The following MED16 variants were observed in gnomAD, a reference collection of about 807,000 sequenced individuals.
The protein encoded by MED16 is mediator of RNA polymerase II transcription subunit 16.
Under a neutral mutation model 84.4 loss-of-function variants are expected in MED16, and 81 were observed. That is an observed-to-expected ratio of 0.96 (90% CI 0.80 to 1.15). MED16 has a LOEUF of 1.15. Ranked by LOEUF, MED16 falls within the 50% of genes most tolerant of loss-of-function variation. MED16 has a pLI of 0.00. For missense variants in MED16, 1,585 were observed against 1,245.9 expected, an observed-to-expected ratio of 1.27 and a Z score of -4.10; for synonymous variants, 897 against 552.2, an observed-to-expected ratio of 1.62 and a Z score of -8.76.
At chr19:886,613 G>A (rs902037054) in intron 4 of MED16, among the ~76,000 whole-genome samples, 1 of 152,254 alleles carries the variant, frequency 6.6e-6, no homozygotes, top group African/African-American at 2.4e-5. Context: ...ACCCAGGCGG[G>A]GGCCGTCAGG....
intron 1 of MED16, chr19:892,632 C>G (rs1408276933): frequency 5.9e-5 from 9 of 151,740 alleles, no homozygotes; most frequent in Admixed American, 5.9e-4. Flanking sequence ...AGTCCCCAGT[C>G]TCCACCCTAG....
rs1029273116 is a variant in MED16, at chr19:873,718, G to C, written c.1772-136C>G. On this transcript the variant is annotated intron_variant, in intron 10 of 15. Coordinates refer to ENST00000325464, the MANE Select transcript of MED16 (RefSeq NM_005481.3). ...ACAAGGGGACCCACACCGGGAACGAGAAGGGGGCGATGGCGTTGCCGGACG... is the reference window on the plus strand; with the variant it reads ...ACAAGGGGACCCACACCGGGAACGACAAGGGGGCGATGGCGTTGCCGGACG... The C allele has an allele frequency of 9.5e-6, 10 of 1,047,764 alleles. No homozygotes were observed. The East Asian group carries it at 1.7e-4, about 18-fold the overall frequency. The allele number at this position is 1,047,764 out of a possible 1,614,324, so 64.9% of individuals were successfully genotyped here.
chr19:871,657 T>G (rs747306922), intron 12 of MED16: 1 of 1,583,222 alleles, frequency 6.3e-7, no homozygotes, highest in Admixed American at 1.7e-5. Flanking sequence ...GGACCTGTGC[T>G]AGGAACTGGG....
At chr19:879,624 A>G (rs1486034671) in intron 8 of MED16, among the ~76,000 whole-genome samples, 15 of 104,372 alleles carry the variant, frequency 1.4e-4, no homozygotes, top group Admixed American at 2.3e-4. Flanking sequence ...CCCCAAGCCC[A>G]GCCCCACGTG....
chr19:888,861 G>A (rs1380552421), intron 4 of MED16, among the ~76,000 whole-genome samples: 2 of 152,188 alleles, frequency 1.3e-5, no homozygotes, highest in African/African-American at 4.8e-5. Context: ...CTCCAGGAAG[G>A]CCTCCTAGTT....
chr19:889,265 C>T lies in MED16; in HGVS notation c.447+373G>A, dbSNP rs140480631. 7.9e-4 allele frequency among the ~76,000 whole-genome samples: 120 copies of T among 152,252 alleles called. No individual in the cohort carries two copies. The East Asian group carries it at 0.021, about 26-fold the overall frequency. ...CATAGAGAGGGGCTCTGGGATGTTA[C>T]TAAATCAGAGGGTGGGCTGCATTCA... On this transcript the variant is annotated intron_variant, in intron 4 of 15. Transcript: ENST00000325464.
Position 880,034 on chromosome 19 carries a change from A to T in MED16, c.1256T>A (p.Met419Lys). The change falls in exon 8 of 16, where the codon ATG becomes AAG. Residue 419 changes from methionine (M) to lysine (K), a missense_variant. Transcript: ENST00000325464. ...GGGGCCCGCGGTGCGGGGGCGCTTC[A>T]TGGCCGGCTCATCCACAGGCCTCGG... is the stretch of plus-strand genomic sequence containing the variant. Reference protein sequence around the residue: ...AAPRPVDEPAMKRPRTAGPAV... With the variant: ...AAPRPVDEPAKKRPRTAGPAV... 8.7e-6 allele frequency: 14 copies of T among 1,610,928 alleles called. No homozygotes were observed. The highest frequency in any genetic ancestry group is 1.1e-5 in the Non-Finnish European group (13 of 1,179,150).
At chr19:887,214 G>A (rs938834643) in intron 4 of MED16, among the ~76,000 whole-genome samples, 3 of 152,158 alleles carry the variant, frequency 2.0e-5, no homozygotes, top group Non-Finnish European at 4.4e-5. Context: ...ATAGCAAGAA[G>A]CAGGTCCAGA....
rs771663625 is a variant in MED16, at chr19:872,101, C to G, written c.1923G>C (p.Pro641=). ...SLPNQGSLLR[P]GHSFLRDGTS... ...TGCCGTCCCGCAGAAAGCTGTGGCC[C>G]GGCCTCAGCAGGGAACCCTGCCCGA... The change falls in exon 12 of 16, where the codon CCG becomes CCC. Residue 641 remains proline (P), a synonymous_variant. Transcript: ENST00000325464. 1.9e-6 allele frequency: 3 copies of G among 1,605,878 alleles called. No individual in the cohort carries two copies. Among genetic ancestry groups the G allele is most frequent in the Non-Finnish European group, 2.6e-6 (3 of 1,176,144 alleles).
chr19:884,971 A>G lies in MED16; in HGVS notation c.917T>C (p.Val306Ala). The G allele has an allele frequency of 6.2e-7, 1 of 1,608,564 alleles. No homozygotes were observed. The highest frequency in any genetic ancestry group is 8.5e-7 in the Non-Finnish European group (1 of 1,179,112). The change falls in exon 6 of 16, where the codon GTG becomes GCG. Residue 306 changes from valine to alanine, a missense_variant. By Grantham distance (64) the Val-to-Ala change is moderately conservative. Transcript: ENST00000325464. ...LCASSQTSSI[V>A]ECWSLRKEGL... ...CTCCTTGCGCAGGGACCAGCACTCCACGATGCTGCTGGTCTGGCTGGACGC... is the reference window on the plus strand; with the variant it reads ...CTCCTTGCGCAGGGACCAGCACTCCGCGATGCTGCTGGTCTGGCTGGACGC...
rs748002757 is a variant in MED16 at position 890,121 on chromosome 19, G to A, written c.277+16C>T. ...TCCGGGTCGCCACCCCTGGCCACGT[G>A]GGACCAGCGCCTCACCTGACTGGTC... is the stretch of plus-strand genomic sequence containing the variant. On this transcript the variant is annotated intron_variant, in intron 3 of 15. Coordinates refer to ENST00000325464, the MANE Select transcript of MED16 (RefSeq NM_005481.3). The A allele has an allele frequency of 5.2e-6, 8 of 1,536,534 alleles. No homozygotes were observed. The East Asian group carries it at 9.8e-5, about 19-fold the overall frequency.
At chr19:870,611 G>A (rs950502191) in intron 13 of MED16, among the ~76,000 whole-genome samples, 13 of 151,368 alleles carry the variant, frequency 8.6e-5, no homozygotes, top group Non-Finnish European at 1.6e-4. Context: ...AGGGCTGGGT[G>A]CCCGTGTTGG....
Position 891,081 on chromosome 19 carries a change from G to A in MED16, c.51C>T (p.Tyr17=), listed in dbSNP as rs200712141. The part of the protein sequence containing the change: ...PAAGGMMDLA[Y]VCEWEKWSKS... The stretch of plus-strand genomic sequence containing the variant: ...TGGACCATTTCTCCCACTCACAGAC[G>A]TAGGCCAAGTCCATCATCCCACCTG... Residue 17 remains tyrosine (Y), a synonymous_variant, in exon 2 of 16, where the codon TAC becomes TAT. Transcript: ENST00000325464. 1.7e-5 allele frequency: 27 copies of A among 1,613,932 alleles called. No homozygotes were observed. The highest frequency in any genetic ancestry group is 8.9e-5 in the East Asian group (4 of 44,892).
At position 886,088 on chromosome 19, in the gene MED16, C is replaced by G; in HGVS notation, c.561G>C (p.Leu187=). Residue 187 remains leucine, a synonymous_variant, in exon 5 of 16, where the codon CTG becomes CTC. Coordinates refer to ENST00000325464, the MANE Select transcript of MED16 (RefSeq NM_005481.3). Reference sequence around the variant, plus strand: ...TGGGCTTCAGCAGGGACACGGTGACCAGGCCGCTGACCGTCACCGCGATCC... The same window carrying G: ...TGGGCTTCAGCAGGGACACGGTGACGAGGCCGCTGACCGTCACCGCGATCC... ...EGWIAVTVSG[L]VTVSLLKPSG... The G allele has an allele frequency of 6.3e-7, 1 of 1,593,294 alleles. No homozygotes were observed.
At chr19:890,407 G>T (rs75080491) in intron 2 of MED16, 163 bp from the exon 3 acceptor site, 1 of 559,104 alleles carries the variant, frequency 1.8e-6, no homozygotes, top group South Asian at 2.4e-5. Context: ...CTGTCCCCCC[G>T]CAGGAACAGA....
Position 874,272 on chromosome 19 carries a change from C to T in MED16, c.1772-690G>A, listed in dbSNP as rs1023271346. ...GGGACTACAGGCGCCCGCCACCACG[C>T]CCGGCTGATTTTTGTATTTTTAGTA... is the stretch of plus-strand genomic sequence containing the variant. On this transcript the variant is annotated intron_variant, in intron 10 of 15. Coordinates refer to ENST00000325464, the MANE Select transcript of MED16 (RefSeq NM_005481.3). Among the ~76,000 whole-genome samples the T allele has an allele frequency of 2.0e-5, 3 of 152,128 alleles. No homozygotes were observed. In the East Asian group the frequency reaches 5.8e-4, roughly 29 times the overall value.
Position 889,687 on chromosome 19 carries a change from G to A in MED16, c.398C>T (p.Ala133Val), listed in dbSNP as rs1453445436. Residue 133 changes from alanine to valine, a missense_variant, in exon 4 of 16, where the codon GCC (alanine) becomes GTC (valine). Transcript: ENST00000325464. ...GSLVEGDPIV[A>V]LSWLHNGVKL... ...CACACCATTGTGCAGCCAGGACAGG[G>A]CCACAATGGGGTCCCCCTCCACTAG... The A allele has an allele frequency of 6.2e-7, 1 of 1,613,882 alleles. No individual in the cohort carries two copies. Among genetic ancestry groups the A allele is most frequent in the Non-Finnish European group, 8.5e-7 (1 of 1,179,978 alleles).
chr19:877,089 A>C lies in MED16; in HGVS notation c.1445T>G (p.Met482Arg). ...RHLLFLLEYC[M>R]VTGYDWWDIL... is the part of the protein sequence containing the mutation. ...GTCCCACCAGTCGTAGCCGGTCACC[A>C]TGCAGTACTCCAGCAGGAAGAGCAG... is the stretch of plus-strand genomic sequence containing the variant. The change falls in exon 9 of 16, where the codon ATG (methionine) becomes AGG (arginine). Residue 482 changes from methionine (M) to arginine (R), a missense_variant. By Grantham distance (91) the Met-to-Arg change is moderately conservative (BLOSUM62 -1). Transcript: ENST00000325464. The C allele has an allele frequency of 6.2e-7, 1 of 1,612,626 alleles. No individual in the cohort carries two copies. The highest frequency in any genetic ancestry group is 8.5e-7 in the Non-Finnish European group (1 of 1,179,876).
In MED16 at chr19:891,020, CGCAGGCCAGGG is replaced by C; in HGVS notation, c.101_111del (p.Pro34ArgfsTer18). 1 of 1,614,082 alleles carries C rather than the reference CGCAGGCCAGGG, an allele frequency of 6.2e-7. No individual in the cohort carries two copies. The highest frequency in any genetic ancestry group is 8.5e-7 in the Non-Finnish European group (1 of 1,180,014). On this transcript the variant is annotated frameshift_variant, in exon 2 of 16. Transcript: ENST00000325464. LOFTEE classifies it high-confidence loss of function. ...GCGATGAGATTTCGGCAGGACCAGG[CGCAGGCCAGGG>C]GCACCGATGGGCAGTGGGTGCTCTT...
Sources: allele counts gnomAD v4.1 joint callset (sites outside exome capture counted in the v4.1 genomes callset), GRCh38; gene constraint gnomAD v4.1.1; transcripts MANE v1.5; gene names NCBI Gene and HGNC (gene_info 2026-07-23, HGNC 2026-07-21).